Variants in DAB2IP observed in about 807,000 individuals in gnomAD.
The protein encoded by DAB2IP is DAB2 interacting protein.
In DAB2IP, 28 loss-of-function variants were observed where a neutral mutation model predicts 107.2. The observed-to-expected ratio is 0.26, with a 90% CI of 0.19 to 0.36. The LOEUF (loss-of-function observed/expected upper bound fraction) is 0.36. Among genes scored for constraint, DAB2IP ranks in the 10% least tolerant of loss-of-function variants. The pLI, the probability that DAB2IP is intolerant of heterozygous loss-of-function variation, is 1.00. For missense variants in DAB2IP, 1,400 were observed against 1,644.7 expected, an observed-to-expected ratio of 0.85 and a Z score of 2.57; for synonymous variants, 755 against 706.4, an observed-to-expected ratio of 1.07 and a Z score of -1.09.
chr9:121,742,848 A>G, intron 3 of DAB2IP: 1 of 985,456 alleles, frequency 1.0e-6, no homozygotes, highest in Non-Finnish European at 1.2e-6. Flanking sequence ...TGGAAGATGA[A>G]GGAAAAGATA....
At position 121,772,470 on chromosome 9, in the gene DAB2IP, G is replaced by A. The variant is rs137989241; in HGVS notation, c.2079-137G>A. ...ATTCTCCCACTCCTGCCACCCCAGC[G>A]CATCCATCTCCCCAGCGCTGGCTCA... On this transcript the variant is annotated intron_variant, in intron 11 of 15. Transcript: ENST00000408936. The surrounding 1 kb of genome is among the most constrained non-coding windows in gnomAD (Gnocchi z 4.7). 5.9e-5 allele frequency: 53 copies of A among 900,478 alleles called. No individual in the cohort carries two copies. The highest frequency in any genetic ancestry group is 5.1e-4 in the Middle Eastern group (2 of 3,912). The allele number at this position is 900,478 out of a possible 1,614,324, so 55.8% of individuals were successfully genotyped here. A position where few individuals can be genotyped will look rare whatever the true frequency, so the allele number is the denominator to read the frequency against.
intron 1 of DAB2IP, among the ~76,000 whole-genome samples, chr9:121,652,585 C>G (rs1026840742): frequency 1.3e-5 from 2 of 152,066 alleles, no homozygotes; most frequent in African/African-American, 2.4e-5. Context: ...GAGGAGGAGG[C>G]CTTCAAAGGG....
At chr9:121,631,064 G>C (rs1831861389) in intron 1 of DAB2IP, among the ~76,000 whole-genome samples, 1 of 152,164 alleles carries the variant, frequency 6.6e-6, no homozygotes, top group Non-Finnish European at 1.5e-5. Flanking sequence ...ACAGGGATGA[G>C]GTGTCTGACT....
chr9:121,783,677 T>C (rs1273232050), exon 16 of DAB2IP: 2 of 1,215,262 alleles, frequency 1.6e-6, no homozygotes, highest in African/African-American at 1.5e-5. Context: ...AGCCTGCACC[T>C]GCCCCGTGTG....
upstream of DAB2IP, among the ~76,000 whole-genome samples, chr9:121,648,624 C>G (rs980162012): frequency 1.3e-5 from 2 of 152,150 alleles, no homozygotes; most frequent in Admixed American, 1.3e-4. Flanking sequence ...CCCATCCAGA[C>G]CCACTGAATT....
chr9:121,707,338 C>T (rs1465866904), intron 3 of DAB2IP, among the ~76,000 whole-genome samples: 1 of 152,196 alleles, frequency 6.6e-6, no homozygotes, highest in East Asian at 1.9e-4. Flanking sequence ...CTTCTGCCGC[C>T]CCCCTCAGTT....
intron 1 of DAB2IP, among the ~76,000 whole-genome samples, chr9:121,666,444 C>G (rs1833428766): frequency 6.6e-6 from 1 of 152,210 alleles, no homozygotes; most frequent in Admixed American, 6.5e-5. Flanking sequence ...CACCTCTCCT[C>G]CCTGTCCCAG....
At position 121,593,801 on chromosome 9, in the gene DAB2IP, A is replaced by G. The variant is rs140890377; in HGVS notation, c.40+26573A>G. On this transcript the variant is annotated intron_variant, in intron 1 of 16. Coordinates refer to the DAB2IP transcript ENST00000259371. ...TCCTGCCTCAGCCTCCCGAGTAGCT[A>G]GGACTACAGGCATGCACCACCACAC... Among the ~76,000 whole-genome samples the G allele has an allele frequency of 3.7e-3, 563 of 150,864 alleles. 3 individuals are homozygous for G. The highest frequency in any genetic ancestry group is 0.013 in the African/African-American group (540 of 41,066).
intron 1 of DAB2IP, among the ~76,000 whole-genome samples, chr9:121,619,193 C>T (rs1831375630): frequency 6.6e-6 from 1 of 152,204 alleles, no homozygotes; most frequent in Non-Finnish European, 1.5e-5. Flanking sequence ...GTTGCCCAGG[C>T]TGGAATGCAG....
intron 1 of DAB2IP, among the ~76,000 whole-genome samples, chr9:121,640,133 C>A (rs1314307731): frequency 6.6e-6 from 1 of 152,152 alleles, no homozygotes. Flanking sequence ...CTGTGCATCG[C>A]CCCAGGAGCC....
intron 1 of DAB2IP, among the ~76,000 whole-genome samples, chr9:121,671,280 G>A (rs1420507709): frequency 6.6e-6 from 1 of 152,236 alleles, no homozygotes; most frequent in East Asian, 1.9e-4. Flanking sequence ...AGGTTGCAGT[G>A]AGCTGAGATT....
intron 1 of DAB2IP, among the ~76,000 whole-genome samples, chr9:121,673,080 GT>G (rs778915297): frequency 2.7e-4 from 41 of 152,182 alleles, no homozygotes; most frequent in Non-Finnish European, 4.3e-4. Flanking sequence ...TTTTTACTTG[GT>G]TCCAAGGACT....
At chr9:121,707,903 C>T (rs371821061) in intron 3 of DAB2IP, among the ~76,000 whole-genome samples, 26 of 152,288 alleles carry the variant, frequency 1.7e-4, no homozygotes, top group African/African-American at 5.8e-4. Context: ...CTTTCTTTCC[C>T]TCTTTCCAAC....
chr9:121,777,137 T>A (rs1835260055), intron 14 of DAB2IP, among the ~76,000 whole-genome samples: 1 of 152,138 alleles, frequency 6.6e-6, no homozygotes, highest in Admixed American at 6.5e-5. Flanking sequence ...GTCCCAGTCG[T>A]GGAGTTTACT....
intron 1 of DAB2IP, among the ~76,000 whole-genome samples, chr9:121,577,504 C>T (rs534756777): frequency 1.6e-3 from 241 of 152,320 alleles, no homozygotes; most frequent in Non-Finnish European, 2.9e-3. Context: ...CTCAGGAGCC[C>T]GTGAGTGAGC....
chr9:121,732,142 G>A (rs558606138), intron 3 of DAB2IP, among the ~76,000 whole-genome samples: 96 of 152,228 alleles, frequency 6.3e-4, no homozygotes, highest in African/African-American at 2.2e-3. Context: ...TCCTCTTTCC[G>A]TTGCCTCTTG....
chr9:121,777,417 A>G (rs569909165), intron 14 of DAB2IP, among the ~76,000 whole-genome samples: 5 of 152,336 alleles, frequency 3.3e-5, no homozygotes, highest in African/African-American at 1.2e-4. Context: ...GTGGCTAGAA[A>G]CCTGCTGTTC....
At chr9:121,727,915 A>G (rs932441962) in intron 3 of DAB2IP, among the ~76,000 whole-genome samples, 1 of 152,010 alleles carries the variant, frequency 6.6e-6, no homozygotes, top group Non-Finnish European at 1.5e-5. Context: ...TCCCTGAGCC[A>G]CCACCCATCA....
chr9:121,611,020 A>G (rs1012407195), intron 1 of DAB2IP, among the ~76,000 whole-genome samples: 20 of 152,146 alleles, frequency 1.3e-4, no homozygotes, highest in African/African-American at 4.1e-4. Flanking sequence ...TCCATCACCC[A>G]TGCTGGAGTG....
Sources: gnomAD v4.1 joint callset for allele counts (sites outside exome capture counted in the v4.1 genomes callset) on GRCh38, gnomAD v4.1.1 for gene constraint, Gnocchi (gnomAD v3.1) non-coding constraint, MANE v1.5 for transcripts, NCBI Gene and HGNC (gene_info 2026-07-23, HGNC 2026-07-21) for gene names.